Variants in RGS6 observed in about 807,000 individuals in gnomAD.
RGS6 encodes regulator of G protein signaling 6, also known as regulator of G-protein signaling 6.
In RGS6, 30 loss-of-function variants were observed where a neutral mutation model predicts 78.5. That is an observed-to-expected ratio of 0.38 (90% confidence interval 0.29 to 0.52). The LOEUF (loss-of-function observed/expected upper bound fraction) is 0.52. Ranked by LOEUF, RGS6 falls within the 20% of genes least tolerant of loss-of-function variation. The probability of loss-of-function intolerance (pLI) is 0.85; values close to 1 mark genes in which losing one functional copy is unlikely to be tolerated. For synonymous variants in RGS6, 206 were observed against 206.0 expected, an observed-to-expected ratio of 1.00 and a Z score of 0.00; for missense variants, 495 against 609.7, an observed-to-expected ratio of 0.81 and a Z score of 1.98.
intron 2 of RGS6, among the ~76,000 whole-genome samples, chr14:71,974,222 C>A (rs1158209566): frequency 1.6e-4 from 24 of 151,880 alleles, no homozygotes; most frequent in Admixed American, 1.6e-3. Context: ...CGAATAGATA[C>A]CTGTGAAAGA....
chr14:71,918,162 T>G, the RGS6 span, among the ~76,000 whole-genome samples: 1 of 109,386 alleles, frequency 9.1e-6, no homozygotes, highest in African/African-American at 3.6e-5. Flanking sequence ...GCCTGCTGGG[T>G]GACAGAGCAA....
chr14:72,501,619 C>A (rs1349824678), intron 13 of RGS6, among the ~76,000 whole-genome samples: 2 of 152,196 alleles, frequency 1.3e-5, no homozygotes, highest in Admixed American at 6.5e-5. Context: ...TGACGTAATT[C>A]TTTATGTCAT....
rs149525196 is a variant in RGS6 at position 72,384,824 on chromosome 14, C to T, written c.184+32630C>T. ...GGAGTGCAGTGGTGCAATCTTGTCT[C>T]ACTGCAATCTCCGCCTCCCGGATTC... is the stretch of plus-strand genomic sequence containing the variant. On this transcript the variant is annotated intron_variant, in intron 3 of 17. Transcript: ENST00000553525. Among the ~76,000 whole-genome samples the T allele has an allele frequency of 2.2e-4, 34 of 152,308 alleles. No individual in the cohort carries two copies. In the East Asian group the frequency reaches 6.6e-3, roughly 29 times the overall value.
intron 3 of RGS6, among the ~76,000 whole-genome samples, chr14:72,389,452 G>A (rs1205291660): frequency 6.6e-6 from 1 of 152,174 alleles, no homozygotes; most frequent in Admixed American, 6.5e-5. Flanking sequence ...GACACACACT[G>A]GGTGAGAAGC....
At chr14:72,541,301 A>C in intron 17 of RGS6, 1 of 894,308 alleles carries the variant, frequency 1.1e-6, no homozygotes, top group Non-Finnish European at 1.3e-6. Context: ...CAGCCTAGTC[A>C]TTTACGTGTC....
intron 17 of RGS6, among the ~76,000 whole-genome samples, chr14:72,549,528 A>G (rs934373581): frequency 6.6e-6 from 1 of 152,218 alleles, no homozygotes; most frequent in African/African-American, 2.4e-5. Flanking sequence ...CTTTTACCCA[A>G]TGCCAGTTCC....
the RGS6 span, among the ~76,000 whole-genome samples, chr14:71,888,029 C>T: frequency 1.7e-3 from 252 of 152,266 alleles, 3 homozygotes; most frequent in African/African-American, 5.8e-3. Flanking sequence ...CCCCGGCGGC[C>T]CAGCTGTAAA....
chr14:72,463,862 C>G (rs2095841038), intron 6 of RGS6, among the ~76,000 whole-genome samples: 1 of 152,124 alleles, frequency 6.6e-6, no homozygotes, highest in African/African-American at 2.4e-5. Context: ...TTATCAGACA[C>G]AGTGAAGCAC....
intron 2 of RGS6, among the ~76,000 whole-genome samples, chr14:71,987,837 TATTA>T (rs1000848457): frequency 6.6e-6 from 1 of 152,186 alleles, no homozygotes; most frequent in African/African-American, 2.4e-5. Flanking sequence ...TTTAAAAAAA[TATTA>T]ATTATGATAC....
intron 2 of RGS6, among the ~76,000 whole-genome samples, chr14:72,348,812 GTGT>G (rs982745115): frequency 2.6e-5 from 4 of 152,330 alleles, no homozygotes; most frequent in African/African-American, 9.6e-5. Context: ...TTTTTTCAGA[GTGT>G]TGTTGTATCA....
intron 2 of RGS6, among the ~76,000 whole-genome samples, chr14:72,140,331 C>T (rs1171935975): frequency 1.3e-5 from 2 of 152,118 alleles, no homozygotes; most frequent in African/African-American, 4.8e-5. Flanking sequence ...TTGAAAAATG[C>T]TTTATAATCA....
intron 15 of RGS6, among the ~76,000 whole-genome samples, chr14:72,521,553 T>C (rs2097041522): frequency 6.6e-6 from 1 of 152,232 alleles, no homozygotes; most frequent in South Asian, 2.1e-4. Flanking sequence ...TACAGCAATC[T>C]AGACTAGACA....
At chr14:71,936,450 A>T (rs548559723) in intron 1 of RGS6, among the ~76,000 whole-genome samples, 1 of 152,244 alleles carries the variant, frequency 6.6e-6, no homozygotes, top group East Asian at 1.9e-4. Context: ...ACCCACACGG[A>T]CACACCCAGG....
chr14:72,025,391 A>G (rs755554533), intron 2 of RGS6, among the ~76,000 whole-genome samples: 2 of 152,194 alleles, frequency 1.3e-5, no homozygotes, highest in Non-Finnish European at 2.9e-5. Flanking sequence ...TACTTGCCGA[A>G]TAGTGTTTCT....
At chr14:72,627,785 T>C in the RGS6 span, among the ~76,000 whole-genome samples, 1 of 152,132 alleles carries the variant, frequency 6.6e-6, no homozygotes, top group African/African-American at 2.4e-5. Flanking sequence ...TCCAAGATCA[T>C]AGGATGCCTT....
intron 3 of RGS6, among the ~76,000 whole-genome samples, chr14:72,359,887 A>C (rs1099968): frequency 0.5 from 76,472 of 151,902 alleles, 21,156 homozygotes; most frequent in African/African-American, 0.75. Context: ...TCTGTGAAAC[A>C]TTGGGAGCAA....
intron 2 of RGS6, among the ~76,000 whole-genome samples, chr14:72,322,289 A>G (rs888337955): frequency 1.3e-5 from 2 of 152,048 alleles, no homozygotes; most frequent in African/African-American, 2.4e-5. Context: ...TCATTAGTAA[A>G]CAAACCAAAA....
intron 3 of RGS6, among the ~76,000 whole-genome samples, chr14:72,391,918 G>C (rs538612355): frequency 6.6e-6 from 1 of 152,190 alleles, no homozygotes; most frequent in Non-Finnish European, 1.5e-5. Context: ...TCCCTGCAAA[G>C]GGAATGAACT....
chr14:72,248,307 G>A (rs1220674198), intron 2 of RGS6, among the ~76,000 whole-genome samples: 2 of 152,314 alleles, frequency 1.3e-5, no homozygotes, highest in East Asian at 3.9e-4. Flanking sequence ...TTAAGCCAGA[G>A]GGTAAAGAGA....
Sources: gnomAD v4.1 joint callset for allele counts (sites outside exome capture counted in the v4.1 genomes callset) on GRCh38, gnomAD v4.1.1 for gene constraint, MANE v1.5 for transcripts, NCBI Gene and HGNC (gene_info 2026-07-23, HGNC 2026-07-21) for gene names.